The following UST variants were observed in gnomAD, a reference collection of about 807,000 sequenced individuals.
UST encodes the protein uronyl 2-sulfotransferase.
Under a neutral mutation model 45.6 loss-of-function variants are expected in UST, and 21 were observed. The observed-to-expected ratio is 0.46, with a 90% confidence interval of 0.33 to 0.66. UST has a LOEUF of 0.66. Among genes scored for constraint, UST ranks in the 30% least tolerant of loss-of-function variants. UST has a pLI of 0.02. For missense variants in UST, 463 were observed against 512.4 expected (o/e 0.90, Z 0.93); for synonymous variants, 215 against 200.6 (o/e 1.07, Z -0.61).
At chr6:148,935,487 G>A (rs1009412423) in intron 2 of UST, among the ~76,000 whole-genome samples, 10 of 152,082 alleles carry the variant, frequency 6.6e-5, no homozygotes, top group Admixed American at 3.3e-4. Flanking sequence ...TAGAGTTCTC[G>A]GCCTGACAAT....
intron 3 of UST, among the ~76,000 whole-genome samples, chr6:148,948,492 T>A (rs1440861860): frequency 6.6e-6 from 1 of 152,212 alleles, no homozygotes; most frequent in Non-Finnish European, 1.5e-5. Context: ...GATTAGGAAT[T>A]ACTTACTGAT....
intron 2 of UST, among the ~76,000 whole-genome samples, chr6:148,908,860 C>T (rs1242344915): frequency 6.6e-6 from 1 of 152,124 alleles, no homozygotes; most frequent in African/African-American, 2.4e-5. Context: ...TGATGATAAA[C>T]CTGAATCATC....
intron 5 of UST, among the ~76,000 whole-genome samples, chr6:149,015,305 A>G (rs1364847892): frequency 1.3e-5 from 2 of 152,368 alleles, no homozygotes; most frequent in South Asian, 2.1e-4. Context: ...ATTGCAACAC[A>G]AATGGATTAA....
intron 2 of UST, among the ~76,000 whole-genome samples, chr6:148,920,548 A>G (rs1233275651): frequency 1.3e-5 from 2 of 152,022 alleles, no homozygotes; most frequent in Non-Finnish European, 2.9e-5. Context: ...TTTGTTTTTG[A>G]GACAAGATCT....
intron 1 of UST, among the ~76,000 whole-genome samples, chr6:148,844,323 A>T (rs1025239904): frequency 1.7e-4 from 26 of 152,354 alleles, no homozygotes; most frequent in Non-Finnish European, 3.1e-4. Context: ...CTTAAAGAGA[A>T]TAAGTTACTT....
intron 1 of UST, among the ~76,000 whole-genome samples, chr6:148,843,132 T>G (rs1303981999): frequency 6.6e-6 from 1 of 152,190 alleles, no homozygotes; most frequent in Non-Finnish European, 1.5e-5. Flanking sequence ...TTTTGACTGA[T>G]CACAGGGGGA....
chr6:149,032,053 C>T (rs1448184877), intron 7 of UST, among the ~76,000 whole-genome samples: 1 of 152,236 alleles, frequency 6.6e-6, no homozygotes, highest in Non-Finnish European at 1.5e-5. Flanking sequence ...GACCCAGCCT[C>T]TTGGAGCCAG....
intron 1 of UST, among the ~76,000 whole-genome samples, chr6:148,864,689 G>A (rs115220337): frequency 9.3e-4 from 142 of 152,264 alleles, no homozygotes; most frequent in African/African-American, 3.1e-3. Flanking sequence ...AACCCTCACC[G>A]GAATGTTATG....
intron 1 of UST, among the ~76,000 whole-genome samples, chr6:148,787,749 G>C (rs1408167511): frequency 2.6e-5 from 4 of 152,114 alleles, no homozygotes; most frequent in Non-Finnish European, 5.9e-5. Context: ...AGTTTAATGG[G>C]AATAGCATTG....
chr6:149,069,058 G>A lies in UST; in HGVS notation c.938-4775G>A, dbSNP rs76739519. ...GACCTCCAGTTCCATCCATGTTGAT[G>A]CAAATGACATGATTTCTTTCTTTTT... is the stretch of plus-strand genomic sequence containing the variant. On this transcript the variant is annotated intron_variant, in intron 7 of 7. Coordinates refer to ENST00000367463, the MANE Select transcript of UST (RefSeq NM_005715.3). 3.7e-3 allele frequency among the ~76,000 whole-genome samples: 568 copies of A among 152,292 alleles called. 6 individuals are homozygous for A. The highest frequency in any genetic ancestry group is 0.013 in the African/African-American group (529 of 41,558).
intron 5 of UST, among the ~76,000 whole-genome samples, chr6:149,006,096 A>G (rs1220389351): frequency 2.6e-5 from 4 of 152,174 alleles, no homozygotes; most frequent in African/African-American, 9.7e-5. Flanking sequence ...TATGAATTTT[A>G]TTTTAAGTTC....
intron 1 of UST, among the ~76,000 whole-genome samples, chr6:148,766,572 C>T (rs866530468): frequency 1.1e-4 from 16 of 152,180 alleles, no homozygotes; most frequent in African/African-American, 2.6e-4. Context: ...CTTAAGATCC[C>T]GTATGAGGTG....
chr6:148,833,005 A>G (rs1777718016), intron 1 of UST, among the ~76,000 whole-genome samples: 1 of 152,196 alleles, frequency 6.6e-6, no homozygotes, highest in Non-Finnish European at 1.5e-5. Flanking sequence ...AAAAGAAAGT[A>G]TAGGAGCTCC....
chr6:148,784,931 CG>C (rs1392000177), intron 1 of UST, among the ~76,000 whole-genome samples: 2 of 152,148 alleles, frequency 1.3e-5, no homozygotes, highest in African/African-American at 2.4e-5. Context: ...TATATGTGGC[CG>C]GGCGCAGTGG....
intron 1 of UST, among the ~76,000 whole-genome samples, chr6:148,847,941 T>C (rs1778021171): frequency 6.6e-6 from 1 of 152,192 alleles, no homozygotes; most frequent in African/African-American, 2.4e-5. Context: ...TGGACAGAGC[T>C]TTTGCTTTGA....
intron 1 of UST, among the ~76,000 whole-genome samples, chr6:148,755,013 G>A (rs2114647292): frequency 6.6e-6 from 1 of 152,320 alleles, no homozygotes; most frequent in Non-Finnish European, 1.5e-5. Context: ...TTTTAGAGAT[G>A]TCACAAAGAT....
intron 2 of UST, among the ~76,000 whole-genome samples, chr6:148,914,094 A>T (rs1779534306): frequency 6.6e-6 from 1 of 152,188 alleles, no homozygotes; most frequent in Non-Finnish European, 1.5e-5. Context: ...CATCCTCCAG[A>T]ACTATGGGAA....
chr6:148,834,633 G>A (rs1021251733), intron 1 of UST, among the ~76,000 whole-genome samples: 1 of 152,178 alleles, frequency 6.6e-6, no homozygotes, highest in Non-Finnish European at 1.5e-5. Flanking sequence ...TACTCAGGAG[G>A]CCGAGGTGGG....
intron 1 of UST, among the ~76,000 whole-genome samples, chr6:148,778,383 T>C (rs1776574673): frequency 6.6e-6 from 1 of 152,214 alleles, no homozygotes; most frequent in Non-Finnish European, 1.5e-5. Context: ...TTTTCTTTTA[T>C]ATCAAGTGAT....
Sources: gnomAD v4.1 joint callset for allele counts (sites outside exome capture counted in the v4.1 genomes callset) on GRCh38, gnomAD v4.1.1 for gene constraint, MANE v1.5 for transcripts, NCBI Gene and HGNC (gene_info 2026-07-23, HGNC 2026-07-21) for gene names.